The following B4GALT6 variants were observed in gnomAD, a reference collection of about 807,000 sequenced individuals.
The protein encoded by B4GALT6 is UDP-Gal:beta-GlcNAc beta-1,4-galactosyltransferase 6.
A neutral mutation model predicts 46.3 loss-of-function variants in B4GALT6; 14 were observed. The ratio of observed to expected loss-of-function variants is 0.30; its 90% CI spans 0.20 to 0.47. The LOEUF (loss-of-function observed/expected upper bound fraction) is 0.47, where lower values mean the gene tolerates loss of function less well. Among genes scored for constraint, B4GALT6 ranks in the 20% least tolerant of loss-of-function variants. The pLI, the probability that B4GALT6 is intolerant of heterozygous loss-of-function variation, is 0.99. For synonymous variants in B4GALT6, 168 were observed against 162.0 expected (o/e 1.04, Z -0.28); for missense variants, 386 against 480.1 (o/e 0.80, Z 1.83).
intron 3 of B4GALT6, among the ~76,000 whole-genome samples, chr18:31,654,306 T>C (rs2074112420): frequency 6.6e-6 from 1 of 152,216 alleles, no homozygotes; most frequent in Admixed American, 6.5e-5. Context: ...ACATCCACAC[T>C]AAGCACTTAT....
upstream of B4GALT6, among the ~76,000 whole-genome samples, chr18:31,687,590 A>G (rs574070062): frequency 3.7e-4 from 57 of 152,346 alleles, 1 homozygote; most frequent in South Asian, 8.7e-3. Flanking sequence ...CTAAAAGTCT[A>G]TTTTTTAATG....
intron 6 of B4GALT6, 83 bp from the exon 7 acceptor site, chr18:31,627,204 T>C (rs982732203): frequency 1.1e-5 from 14 of 1,225,204 alleles, no homozygotes; most frequent in Non-Finnish European, 1.6e-5. Flanking sequence ...TTTTATGTGC[T>C]TTGCAAAATA....
chr18:31,721,876 CTCTCTG>C, the B4GALT6 span, among the ~76,000 whole-genome samples: 17 of 152,054 alleles, frequency 1.1e-4, no homozygotes, highest in Admixed American at 2.0e-4. Flanking sequence ...CTCTCTCTCT[CTCTCTG>C]TGTGTGTATG....
intron 3 of B4GALT6, among the ~76,000 whole-genome samples, chr18:31,649,796 T>C (rs919710344): frequency 5.3e-5 from 8 of 152,176 alleles, no homozygotes; most frequent in Admixed American, 4.6e-4. Flanking sequence ...GAGATGCTTA[T>C]ACACTGTTGG....
chr18:31,652,878 G>A (rs1331363773), intron 3 of B4GALT6, among the ~76,000 whole-genome samples: 1 of 152,134 alleles, frequency 6.6e-6, no homozygotes, highest in African/African-American at 2.4e-5. Flanking sequence ...GCTGATCCCA[G>A]TATTTCTCCA....
At chr18:31,706,695 T>C in the B4GALT6 span, among the ~76,000 whole-genome samples, 1 of 152,198 alleles carries the variant, frequency 6.6e-6, no homozygotes, top group Admixed American at 6.5e-5. Flanking sequence ...ATTTCCATAA[T>C]TTTATGGTTA....
intron 2 of B4GALT6, among the ~76,000 whole-genome samples, chr18:31,659,600 T>G (rs2074186945): frequency 6.6e-6 from 1 of 152,112 alleles, no homozygotes; most frequent in Admixed American, 6.5e-5. Context: ...AGGGCATCAG[T>G]AAGGTGTTAA....
chr18:31,679,926 T>C (rs1055366950), intron 1 of B4GALT6, among the ~76,000 whole-genome samples: 2 of 152,240 alleles, frequency 1.3e-5, no homozygotes, highest in African/African-American at 4.8e-5. Flanking sequence ...ACCTCGACAG[T>C]TCTAATCTTC....
At chr18:31,701,400 G>T in the B4GALT6 span, among the ~76,000 whole-genome samples, 1 of 152,104 alleles carries the variant, frequency 6.6e-6, no homozygotes, top group Non-Finnish European at 1.5e-5. Flanking sequence ...CTATGCTTCT[G>T]CACAGCCTGC....
chr18:31,626,581 C>T (rs1426989414), intron 7 of B4GALT6, among the ~76,000 whole-genome samples, 197 bp from the exon 8 acceptor site: 3 of 152,124 alleles, frequency 2.0e-5, no homozygotes, highest in Non-Finnish European at 2.9e-5. Flanking sequence ...TGCTTGAGCT[C>T]CACCTCCTGT....
chr18:31,652,975 G>T (rs1193572066), intron 3 of B4GALT6, among the ~76,000 whole-genome samples: 1 of 151,128 alleles, frequency 6.6e-6, no homozygotes, highest in Non-Finnish European at 1.5e-5. Flanking sequence ...AGCCTTCGAT[G>T]GTTCTCCATT....
intron 2 of B4GALT6, among the ~76,000 whole-genome samples, chr18:31,661,009 G>A (rs1482306832): frequency 2.6e-5 from 4 of 152,136 alleles, no homozygotes; most frequent in Admixed American, 1.3e-4. Flanking sequence ...CCCCCTTAGC[G>A]TGGTCAACTC....
At chr18:31,702,791 CA>C in the B4GALT6 span, among the ~76,000 whole-genome samples, 3 of 152,196 alleles carry the variant, frequency 2.0e-5, no homozygotes. Context: ...CATCTTCCAA[CA>C]TGAAGCCCAA....
chr18:31,689,899 G>A (rs568421479), upstream of B4GALT6, among the ~76,000 whole-genome samples: 2 of 152,240 alleles, frequency 1.3e-5, no homozygotes, highest in Admixed American at 6.5e-5. Flanking sequence ...CAACCCTAGA[G>A]AGAAAGTTCG....
chr18:31,658,248 C>A (rs374205226), intron 2 of B4GALT6, 159 bp from the exon 3 acceptor site: 27 of 562,308 alleles, frequency 4.8e-5, no homozygotes, highest in East Asian at 1.8e-4. Flanking sequence ...CAGCAAACTG[C>A]TGCGGGGAAC....
At chr18:31,641,446 T>G (rs982432878) in intron 4 of B4GALT6, among the ~76,000 whole-genome samples, 6 of 152,228 alleles carry the variant, frequency 3.9e-5, no homozygotes, top group African/African-American at 1.4e-4. Context: ...TTTATTAAAA[T>G]AAAGCTAAAC....
At chr18:31,698,421 G>C in the B4GALT6 span, among the ~76,000 whole-genome samples, 1 of 152,058 alleles carries the variant, frequency 6.6e-6, no homozygotes, top group Admixed American at 6.5e-5. Context: ...CTTGAGGTCA[G>C]GAGTTCAAGA....
chr18:31,703,434 G>A, the B4GALT6 span, among the ~76,000 whole-genome samples: 579 of 152,276 alleles, frequency 3.8e-3, 2 homozygotes, highest in African/African-American at 0.011. Flanking sequence ...TTTATAGTAT[G>A]TGGTCAGTTA....
At chr18:31,666,566 AAAC>A (rs2074285281) in intron 1 of B4GALT6, among the ~76,000 whole-genome samples, 194 bp from the exon 2 acceptor site, 1 of 152,172 alleles carries the variant, frequency 6.6e-6, no homozygotes, top group South Asian at 2.1e-4. Flanking sequence ...TTAAGAATAA[AAAC>A]AAAAAAAAAG....
Sources: allele counts gnomAD v4.1 joint callset (sites outside exome capture counted in the v4.1 genomes callset), GRCh38; gene constraint gnomAD v4.1.1; transcripts MANE v1.5; gene names NCBI Gene and HGNC (gene_info 2026-07-23, HGNC 2026-07-21).